FARP2: variants seen among roughly 807,000 people sequenced by gnomAD.
The protein encoded by FARP2 is FERM, ARHGEF and pleckstrin domain-containing protein 2.
FARP2 carries 111 observed loss-of-function variants against 130.5 expected under a neutral mutation model. The ratio of observed to expected loss-of-function variants is 0.85; its 90% CI spans 0.73 to 1.00. The LOEUF (loss-of-function observed/expected upper bound fraction) is 1.00, where lower values mean the gene tolerates loss of function less well. Ranked by LOEUF, FARP2 falls within the 50% of genes least tolerant of loss-of-function variation. FARP2 has a pLI of 0.00. For missense variants in FARP2, 1,385 were observed against 1,346.3 expected (o/e 1.03, Z -0.45); for synonymous variants, 504 against 516.9 (o/e 0.98, Z 0.34).
intron 12 of FARP2, among the ~76,000 whole-genome samples, chr2:241,440,112 T>C (rs2063343650): frequency 6.6e-6 from 1 of 152,214 alleles, no homozygotes; most frequent in African/African-American, 2.4e-5. Flanking sequence ...TGTGGCCTAC[T>C]ATTTTGTTTC....
At chr2:241,398,109 G>C (rs2062076552) in intron 2 of FARP2, among the ~76,000 whole-genome samples, 1 of 152,124 alleles carries the variant, frequency 6.6e-6, no homozygotes, top group African/African-American at 2.4e-5. Context: ...GGGATTACAG[G>C]CGTGAGCCAC....
chr2:241,441,531 G>T lies in FARP2; in HGVS notation c.1386G>T (p.Gly462=). Reference sequence around the variant, plus strand: ...ACACACCATCGGCCCAGCCCCTCGGGCCCCCCGCACTCCAGCCTGGTCCAG... The same window carrying T: ...ACACACCATCGGCCCAGCCCCTCGGTCCCCCCGCACTCCAGCCTGGTCCAG... ...GPDTPSAQPL[G]PPALQPGPGL... is the part of the protein sequence containing the mutation. The change falls in exon 13 of 27, where the codon GGG becomes GGT. Residue 462 remains glycine (G), a synonymous_variant. Coordinates refer to ENST00000264042, the MANE Select transcript of FARP2 (RefSeq NM_014808.4). The T allele has an allele frequency of 6.2e-7, 1 of 1,614,026 alleles. No homozygotes were observed. Among genetic ancestry groups the T allele is most frequent in the East Asian group, 2.2e-5 (1 of 44,870 alleles).
chr2:241,367,002 T>G (rs920779117), intron 1 of FARP2, among the ~76,000 whole-genome samples: 4 of 152,054 alleles, frequency 2.6e-5, no homozygotes, highest in Non-Finnish European at 5.9e-5. Flanking sequence ...GGTAGATACC[T>G]TTCTGTGTCA....
chr2:241,397,831 C>CT (rs397868255), intron 2 of FARP2, among the ~76,000 whole-genome samples: 5,237 of 122,618 alleles, frequency 0.043, 434 homozygotes, highest in Admixed American at 0.18. Context: ...ACCTTTTTTC[C>CT]TTTTTTTTTT....
intron 8 of FARP2, among the ~76,000 whole-genome samples, chr2:241,431,367 C>G (rs542945786): frequency 6.6e-6 from 1 of 151,852 alleles, no homozygotes; most frequent in East Asian, 1.9e-4. Flanking sequence ...CCCAGCTGCT[C>G]CAGAGGCTGA....
chr2:241,401,786 A>G (rs1265798298), intron 2 of FARP2, among the ~76,000 whole-genome samples: 1 of 147,004 alleles, frequency 6.8e-6, no homozygotes, highest in Non-Finnish European at 1.5e-5. Flanking sequence ...TTATTTTACC[A>G]ATTCTTTTTT....
intron 8 of FARP2, among the ~76,000 whole-genome samples, chr2:241,418,612 TAA>T (rs995885038): frequency 2.0e-5 from 3 of 152,234 alleles, no homozygotes; most frequent in African/African-American, 4.8e-5. Flanking sequence ...TTGCTTGTGA[TAA>T]GAGTCAGTGT....
chr2:241,489,975 A>G lies in FARP2; in HGVS notation c.2435A>G (p.Asp812Gly), dbSNP rs376615706. Reference protein sequence around the residue: ...PLQGMLVEESDNEWSVPHCFT... With the variant: ...PLQGMLVEESGNEWSVPHCFT... ...TCCCACCCACAGGTGGAAGAAAGTG[A>G]TAACGAGTGGTCTGTTCCACACTGT... The change falls in exon 22 of 27, where the codon GAT becomes GGT. Residue 812 changes from aspartate to glycine, a missense_variant. Transcript: ENST00000264042. 23 of 1,613,168 alleles carry G rather than the reference A, an allele frequency of 1.4e-5. No individual in the cohort carries two copies. Among genetic ancestry groups the G allele is most frequent in the Admixed American group, 5.0e-5 (3 of 59,990 alleles).
At chr2:241,389,913 C>T (rs1047218921) in intron 2 of FARP2, among the ~76,000 whole-genome samples, 2 of 152,160 alleles carry the variant, frequency 1.3e-5, no homozygotes, top group Non-Finnish European at 2.9e-5. Context: ...AAGTTCATGC[C>T]ATGACTCGAG....
intron 2 of FARP2, among the ~76,000 whole-genome samples, chr2:241,377,333 CTTTTTTTT>C (rs1258121395): frequency 7.7e-6 from 1 of 129,722 alleles, no homozygotes; most frequent in Admixed American, 7.9e-5. Context: ...TTGTTGGTTT[CTTTTTTTT>C]TTTTTTTTTT....
At chr2:241,477,191 G>A (rs969097939) in intron 19 of FARP2, among the ~76,000 whole-genome samples, 3 of 145,696 alleles carry the variant, frequency 2.1e-5, no homozygotes, top group South Asian at 4.4e-4. Flanking sequence ...GTGCAGTGCC[G>A]CGATCTTGGC....
intron 14 of FARP2, among the ~76,000 whole-genome samples, chr2:241,461,860 G>A (rs1428481893): frequency 6.6e-6 from 1 of 152,228 alleles, no homozygotes; most frequent in Non-Finnish European, 1.5e-5. Flanking sequence ...TTCAGGGTGG[G>A]GAGAGGCCCT....
chr2:241,451,530 G>A (rs1395239397), intron 13 of FARP2, among the ~76,000 whole-genome samples: 1 of 152,160 alleles, frequency 6.6e-6, no homozygotes, highest in Non-Finnish European at 1.5e-5. Context: ...TTTGTGTGTG[G>A]TCGGTGTGTC....
chr2:241,479,622 C>T (rs1672363659), intron 19 of FARP2, among the ~76,000 whole-genome samples: 1 of 152,246 alleles, frequency 6.6e-6, no homozygotes, highest in Non-Finnish European at 1.5e-5. Context: ...GGCGAGAGAA[C>T]TTTGTACCCC....
Position 241,490,965 on chromosome 2 carries a change from G to C in FARP2, c.2505-96G>C, listed in dbSNP as rs1044829069. On this transcript the variant is annotated intron_variant, in intron 22 of 26. Coordinates refer to ENST00000264042, the MANE Select transcript of FARP2 (RefSeq NM_014808.4). ...CACCAGGCAGGACAAAGCAGAATGT[G>C]AGAGAACAGGTGCCCTGACGGCTCG... 9 of 888,050 alleles carry C rather than the reference G, an allele frequency of 1.0e-5. No homozygotes were observed. In the African/African-American group the frequency reaches 1.3e-4, roughly 13 times the overall value. 55.0% of individuals were successfully genotyped at this position (888,050 alleles called of 1,614,324 possible).
rs574391255 is a variant in FARP2, at chr2:241,441,540, A to C, written c.1395A>C (p.Ala465=). 1.2e-6 allele frequency: 2 copies of C among 1,613,376 alleles called. No individual in the cohort carries two copies. Among genetic ancestry groups the C allele is most frequent in the South Asian group, 2.2e-5 (2 of 91,052 alleles). The change falls in exon 13 of 27, where the codon GCA becomes GCC. Residue 465 remains alanine, a synonymous_variant. Transcript: ENST00000264042. ...TPSAQPLGPP[A]LQPGPGLSTK... ...CGGCCCAGCCCCTCGGGCCCCCCGC[A>C]CTCCAGCCTGGTCCAGGTGTCGGGT...
chr2:241,375,650 G>C, intron 2 of FARP2, among the ~76,000 whole-genome samples: 1 of 152,248 alleles, frequency 6.6e-6, no homozygotes, highest in East Asian at 1.9e-4. Context: ...AAATATAACC[G>C]TCATGTTTGG....
chr2:241,467,035 G>A (rs573216583), intron 17 of FARP2, among the ~76,000 whole-genome samples: 21 of 151,758 alleles, frequency 1.4e-4, no homozygotes, highest in Admixed American at 1.2e-3. Context: ...CAGGTGGATC[G>A]CTTGAGTCCA....
chr2:241,492,508 G>A (rs1198198908), intron 24 of FARP2, among the ~76,000 whole-genome samples: 1 of 152,232 alleles, frequency 6.6e-6, no homozygotes, highest in Non-Finnish European at 1.5e-5. Flanking sequence ...TGGCAGAACA[G>A]ATGCCACATG....
Sources: gnomAD v4.1 joint callset for allele counts (sites outside exome capture counted in the v4.1 genomes callset) on GRCh38, gnomAD v4.1.1 for gene constraint, MANE v1.5 for transcripts, NCBI Gene and HGNC (gene_info 2026-07-23, HGNC 2026-07-21) for gene names.